TBCD: variants seen among roughly 807,000 people sequenced by gnomAD.
The protein encoded by TBCD is tubulin folding cofactor D, also known as tubulin-specific chaperone D.
TBCD carries 105 observed loss-of-function variants against 169.3 expected under a neutral mutation model. That is an observed-to-expected ratio of 0.62 (90% CI 0.53 to 0.73). TBCD has a LOEUF of 0.73. Ranked by LOEUF, TBCD falls within the 30% of genes least tolerant of loss-of-function variation. TBCD has a pLI of 0.00. For synonymous variants in TBCD, 700 were observed against 643.9 expected (o/e 1.09, Z -1.32); for missense variants, 1,444 against 1,600.1 (o/e 0.90, Z 1.66).
intron 13 of TBCD, among the ~76,000 whole-genome samples, chr17:82,844,129 A>G (rs2054788536): frequency 6.6e-6 from 1 of 150,908 alleles, no homozygotes; most frequent in Non-Finnish European, 1.5e-5. Context: ...CAGTACTTTC[A>G]GTAGCTTTTC....
chr17:82,759,726 T>G (rs2047651529), intron 2 of TBCD, among the ~76,000 whole-genome samples: 1 of 152,218 alleles, frequency 6.6e-6, no homozygotes, highest in Non-Finnish European at 1.5e-5. Flanking sequence ...ATCAGTTATG[T>G]AAGCCTCATT....
intron 23 of TBCD, among the ~76,000 whole-genome samples, chr17:82,919,419 G>A (rs1174574843): frequency 6.6e-6 from 1 of 152,132 alleles, no homozygotes; most frequent in Non-Finnish European, 1.5e-5. Context: ...GGAAAACGGA[G>A]ATTGAGAATA....
Position 82,875,630 on chromosome 17 carries a change from CAGATCCG to C in TBCD, c.1475+5256_1475+5262del, listed in dbSNP as rs1394789505. On this transcript the variant is annotated intron_variant, in intron 14 of 38. Transcript: ENST00000355528. ...CCCAGGGAGGATCCGCCGAGGCCTG[CAGATCCG>C]AGATCTCTTCCTCGGGGGCAGGATT... Among the ~76,000 whole-genome samples the C allele has an allele frequency of 7.2e-5, 11 of 152,176 alleles. No individual in the cohort carries two copies. In the South Asian group the frequency reaches 1.2e-3, roughly 17 times the overall value.
chr17:82,810,183 T>G (rs1355733113), intron 12 of TBCD, among the ~76,000 whole-genome samples: 1 of 152,144 alleles, frequency 6.6e-6, no homozygotes, highest in Admixed American at 6.5e-5. Flanking sequence ...TGAGTTTGAA[T>G]TGGATTTCAT....
At chr17:82,791,574 C>A (rs542149213) in intron 7 of TBCD, among the ~76,000 whole-genome samples, 7 of 152,162 alleles carry the variant, frequency 4.6e-5, no homozygotes, top group Non-Finnish European at 1.0e-4. Context: ...AGTCATAAGT[C>A]CCTGTCATGC....
chr17:82,861,913 C>CTT (rs1234418745), intron 13 of TBCD, among the ~76,000 whole-genome samples: 1 of 144,382 alleles, frequency 6.9e-6, no homozygotes, highest in African/African-American at 2.5e-5. Context: ...ACCTGAAGGT[C>CTT]TTTTTTTTTT....
chr17:82,928,311 G>T (rs2061926659), intron 30 of TBCD, among the ~76,000 whole-genome samples: 1 of 152,200 alleles, frequency 6.6e-6, no homozygotes, highest in African/African-American at 2.4e-5. Context: ...AGGAGGTGGG[G>T]ACTTCTCAGC....
chr17:82,810,153 A>T (rs1202279191), intron 12 of TBCD, among the ~76,000 whole-genome samples: 1 of 152,196 alleles, frequency 6.6e-6, no homozygotes, highest in Admixed American at 6.5e-5. Context: ...CCTTGAAGTG[A>T]GGCTGGTGTG....
intron 2 of TBCD, among the ~76,000 whole-genome samples, chr17:82,758,178 C>T (rs1211215489): frequency 4.0e-5 from 6 of 151,602 alleles, no homozygotes; most frequent in Non-Finnish European, 8.8e-5. Context: ...CACCTGAGGT[C>T]AGGAGTTTGA....
intron 9 of TBCD, among the ~76,000 whole-genome samples, chr17:82,803,786 C>T (rs1334267801): frequency 6.6e-6 from 1 of 152,052 alleles, no homozygotes; most frequent in Admixed American, 6.5e-5. Flanking sequence ...CTTTGTGGTG[C>T]CGTCTGGTCT....
chr17:82,920,641 A>G lies in TBCD; in HGVS notation c.2101+23A>G. 6.5e-7 allele frequency: 1 copy of G among 1,531,004 alleles called. No individual in the cohort carries two copies. 94.8% of individuals were successfully genotyped at this position (1,531,004 alleles called of 1,614,324 possible). On this transcript the variant is annotated intron_variant, in intron 24 of 38. Transcript: ENST00000355528. The surrounding 1 kb of genome is among the most constrained non-coding windows in gnomAD (Gnocchi z 4.1). ...TTGGTAAGTGCTTTTGTTTTTAATA[A>G]TAGCATTTTCTTACAGAATGACTTC...
chr17:82,794,615 C>T (rs188609614), intron 7 of TBCD, among the ~76,000 whole-genome samples: 1,569 of 152,374 alleles, frequency 0.01, 86 homozygotes, highest in Admixed American at 0.088. Flanking sequence ...CGTCCTCCTG[C>T]TGACAGGTAC....
At chr17:82,823,593 A>G (rs966884837) in intron 13 of TBCD, among the ~76,000 whole-genome samples, 1 of 151,512 alleles carries the variant, frequency 6.6e-6, no homozygotes, top group Non-Finnish European at 1.5e-5. Flanking sequence ...GTGGGGGCAG[A>G]CGGCAGTGGG....
intron 13 of TBCD, chr17:82,829,874 A>AGAG: frequency 3.8e-6 from 2 of 526,522 alleles, no homozygotes; most frequent in Non-Finnish European, 6.7e-6. Flanking sequence ...ATCTTCTGTA[A>AGAG]GACAGCTTAG....
At chr17:82,779,772 G>A (rs939537888) in intron 6 of TBCD, among the ~76,000 whole-genome samples, 1 of 152,028 alleles carries the variant, frequency 6.6e-6, no homozygotes, top group African/African-American at 2.4e-5. Context: ...GAGATGACGT[G>A]GGGGCCGGAG....
chr17:82,856,455 G>GA (rs200429326), intron 13 of TBCD, among the ~76,000 whole-genome samples: 116 of 151,464 alleles, frequency 7.7e-4, no homozygotes, highest in African/African-American at 2.6e-3. Context: ...AAGAAAAAAA[G>GA]AAAAAAAACA....
Position 82,756,181 on chromosome 17 carries a change from C to A in TBCD, c.201C>A (p.Tyr67Ter), listed in dbSNP as rs1414112759. 1 of 1,609,838 alleles carries A rather than the reference C, an allele frequency of 6.2e-7. No individual in the cohort carries two copies. Among genetic ancestry groups the A allele is most frequent in the Non-Finnish European group, 8.5e-7 (1 of 1,177,820 alleles). ...TGTTTTTAGTAATAATGGACAAATA[C>A]CAGGAGCAGCCTCATCTGTTGGACC... Reference protein sequence around the residue: ...LERFRVIMDKYQEQPHLLDPH... With the variant: ...LERFRVIMDK The change falls in exon 2 of 39, where the codon TAC becomes TAA. Residue 67 changes from tyrosine to a stop codon, truncating the protein, a stop_gained. Coordinates refer to ENST00000355528, the MANE Select transcript of TBCD (RefSeq NM_005993.5). LOFTEE classifies it high-confidence loss of function.
chr17:82,928,241 G>A (rs1350462119), intron 30 of TBCD, among the ~76,000 whole-genome samples: 1 of 152,170 alleles, frequency 6.6e-6, no homozygotes, highest in African/African-American at 2.4e-5. Context: ...CCCCAGCCTG[G>A]GCCTCCAACG....
At chr17:82,828,617 C>T (rs1398533522) in intron 13 of TBCD, among the ~76,000 whole-genome samples, 3 of 150,922 alleles carry the variant, frequency 2.0e-5, no homozygotes, top group South Asian at 2.1e-4. Context: ...GGTACGCACA[C>T]ATGCACACCC....
Sources: gnomAD v4.1 joint callset for allele counts (sites outside exome capture counted in the v4.1 genomes callset) on GRCh38, gnomAD v4.1.1 for gene constraint, Gnocchi (gnomAD v3.1) non-coding constraint, MANE v1.5 for transcripts, NCBI Gene and HGNC (gene_info 2026-07-23, HGNC 2026-07-21) for gene names.